Variants in ABCA13 observed in about 807,000 individuals in gnomAD.
ABCA13 encodes ATP binding cassette subfamily A member 13, also known as ATP-binding cassette sub-family A member 13.
Under a neutral mutation model 478.7 loss-of-function variants are expected in ABCA13, and 476 were observed. The ratio of observed to expected loss-of-function variants is 0.99; its 90% CI spans 0.92 to 1.07. The LOEUF (loss-of-function observed/expected upper bound fraction) is 1.07, where lower values mean the gene tolerates loss of function less well. Among genes scored for constraint, ABCA13 ranks in the 50% least tolerant of loss-of-function variants. ABCA13 has a pLI of 0.00. For missense variants in ABCA13, 6,060 were observed against 5,910.6 expected (o/e 1.03, Z -0.83); for synonymous variants, 2,252 against 2,158.9 (o/e 1.04, Z -1.20).
intron 7 of ABCA13, among the ~76,000 whole-genome samples, 181 bp from the exon 8 acceptor site, chr7:48,233,837 C>T (rs532861727): frequency 6.6e-6 from 1 of 152,308 alleles, no homozygotes; most frequent in Admixed American, 6.5e-5. Flanking sequence ...GACACTTCAC[C>T]ATTCTCTCTA....
chr7:48,554,395 A>T (rs1251594878), intron 55 of ABCA13, among the ~76,000 whole-genome samples: 2 of 151,990 alleles, frequency 1.3e-5, no homozygotes. Context: ...ATTGTATTGA[A>T]TCTGTAGATT....
chr7:48,506,370 C>G lies in ABCA13; in HGVS notation c.13326C>G (p.Ala4442=). The change falls in exon 49 of 62, where the codon GCC becomes GCG. Residue 4442 remains alanine (A), a synonymous_variant. Coordinates refer to ENST00000435803, the MANE Select transcript of ABCA13 (RefSeq NM_152701.5). The stretch of plus-strand genomic sequence containing the variant: ...TCTACAGCCACCCATATGGAGGGGC[C>G]TTGCTGAACGAGGACAAGATGTGAG... The part of the protein sequence containing the change: ...ITLYSHPYGG[A]LLNEDKILES... 6.2e-7 allele frequency: 1 copy of G among 1,613,828 alleles called. No homozygotes were observed. The highest frequency in any genetic ancestry group is 1.1e-5 in the South Asian group (1 of 91,070).
intron 11 of ABCA13, 70 bp downstream of exon 11, chr7:48,244,773 C>T: frequency 6.7e-7 from 1 of 1,503,498 alleles, no homozygotes; most frequent in Non-Finnish European, 8.9e-7. Context: ...GGAAAATGGA[C>T]TTGAAACTGC....
intron 17 of ABCA13, 48 bp downstream of exon 17, chr7:48,276,613 C>T: frequency 6.8e-7 from 1 of 1,469,798 alleles, no homozygotes. Flanking sequence ...CGATATATCT[C>T]AAACTACTTT....
chr7:48,611,481 C>T lies in ABCA13; in HGVS notation c.14745-3804C>T, dbSNP rs543739873. ...ATAGAGAAAAGAAGTTTAACAGGCTCACGGTTCCACAGGCTGTACAGGAAG... is the reference window on the plus strand; with the variant it reads ...ATAGAGAAAAGAAGTTTAACAGGCTTACGGTTCCACAGGCTGTACAGGAAG... On this transcript the variant is annotated intron_variant, in intron 58 of 61. Coordinates refer to ENST00000435803, the MANE Select transcript of ABCA13 (RefSeq NM_152701.5). 5.9e-5 allele frequency among the ~76,000 whole-genome samples: 9 copies of T among 152,244 alleles called. No individual in the cohort carries two copies. In the East Asian group the frequency reaches 1.7e-3, roughly 29 times the overall value.
intron 28 of ABCA13, among the ~76,000 whole-genome samples, chr7:48,336,805 G>A (rs1310443029): frequency 2.0e-5 from 3 of 152,204 alleles, no homozygotes; most frequent in African/African-American, 7.2e-5. Context: ...ATTTGTTTGT[G>A]TATGGATTAA....
chr7:48,383,005 T>C (rs778976922), intron 35 of ABCA13, among the ~76,000 whole-genome samples: 8 of 152,116 alleles, frequency 5.3e-5, no homozygotes, highest in Non-Finnish European at 7.4e-5. Flanking sequence ...GCCTCACCTG[T>C]CCTACTCATT....
intron 35 of ABCA13, among the ~76,000 whole-genome samples, chr7:48,377,450 T>A (rs1813678093): frequency 6.6e-6 from 1 of 152,138 alleles, no homozygotes; most frequent in African/African-American, 2.4e-5. Flanking sequence ...TTAAAAAAAA[T>A]GATTCTAATC....
At position 48,279,561 on chromosome 7, in the gene ABCA13, T is replaced by A; in HGVS notation, c.8367T>A (p.Tyr2789Ter). 2.5e-6 allele frequency: 4 copies of A among 1,613,522 alleles called. No homozygotes were observed. The highest frequency in any genetic ancestry group is 3.4e-6 in the Non-Finnish European group (4 of 1,179,688). Residue 2789 changes from tyrosine (Y) to a stop codon, truncating the protein, a stop_gained, in exon 18 of 62, where the codon TAT (tyrosine) becomes TAA (stop). Coordinates refer to ENST00000435803, the MANE Select transcript of ABCA13 (RefSeq NM_152701.5). LOFTEE classifies it high-confidence loss of function. ...CCTCCAGTGGAATTAAAAGTGACTA[T>A]GAAGGTGATTTGAATAAAAGTTTAT... ...LEASSGIKSD[Y>*]EGDLNKSLYF...
chr7:48,244,768 A>G (rs1425893604), intron 11 of ABCA13, 65 bp downstream of exon 11: 1 of 1,516,286 alleles, frequency 6.6e-7, no homozygotes, highest in Non-Finnish European at 8.8e-7. Context: ...TTATTGGAAA[A>G]TGGACTTGAA....
chr7:48,232,139 A>ATTTTTTTTTTTTTTTTTTTTTTTC (rs1789207622), intron 7 of ABCA13, among the ~76,000 whole-genome samples: 1 of 51,318 alleles, frequency 1.9e-5, no homozygotes, highest in Non-Finnish European at 3.6e-5. Context: ...CCCACATGGA[A>ATTTTTTTTTTTTTTTTTTTTTTTC]TTTTTTTTTT....
chr7:48,318,679 C>T (rs1345023618), intron 27 of ABCA13, among the ~76,000 whole-genome samples: 1 of 152,086 alleles, frequency 6.6e-6, no homozygotes, highest in Non-Finnish European at 1.5e-5. Flanking sequence ...ACTCTGGCCT[C>T]ACAGCTGCCA....
intron 58 of ABCA13, among the ~76,000 whole-genome samples, chr7:48,611,569 G>A (rs1004232915): frequency 3.3e-5 from 5 of 152,174 alleles, no homozygotes; most frequent in Admixed American, 6.5e-5. Flanking sequence ...CAGTGGGCAC[G>A]TCTTACATGG....
chr7:48,271,300 G>A (rs1003004915), intron 16 of ABCA13, among the ~76,000 whole-genome samples: 1 of 152,132 alleles, frequency 6.6e-6, no homozygotes, highest in Non-Finnish European at 1.5e-5. Flanking sequence ...ATATAATAAT[G>A]AGTTTCTGAC....
chr7:48,279,050 C>T lies in ABCA13; in HGVS notation c.7856C>T (p.Pro2619Leu). 6.8e-6 allele frequency: 11 copies of T among 1,612,978 alleles called. No homozygotes were observed. The highest frequency in any genetic ancestry group is 9.3e-6 in the Non-Finnish European group (11 of 1,179,734). ...AACTCTGATATTTTCAGTATGTCAC[C>T]TAGCATACTCTCATATATGAACCAA... ...SSNSDIFSMS[P>L]SILSYMNQSK... Residue 2619 changes from proline to leucine, a missense_variant, in exon 18 of 62, where the codon CCT (proline) becomes CTT (leucine). Pro to Leu is a moderately conservative substitution (Grantham distance 98). This residue lies in a region of ABCA13 where 4,423 missense variants were observed against 4,309.1 expected (regional missense o/e 1.03). Transcript: ENST00000435803.
intron 19 of ABCA13, among the ~76,000 whole-genome samples, chr7:48,282,402 C>T (rs1460683669): frequency 6.6e-6 from 1 of 152,216 alleles, no homozygotes; most frequent in East Asian, 1.9e-4. Context: ...CCCAGAGCCC[C>T]CTCAGTGGGC....
At chr7:48,491,793 T>A (rs1829863864) in intron 48 of ABCA13, among the ~76,000 whole-genome samples, 1 of 152,156 alleles carries the variant, frequency 6.6e-6, no homozygotes, top group African/African-American at 2.4e-5. Context: ...GCTTGCTTGT[T>A]CCTGTGGGAA....
intron 43 of ABCA13, among the ~76,000 whole-genome samples, chr7:48,461,965 GA>G (rs1211064800): frequency 1.3e-5 from 2 of 152,112 alleles, no homozygotes; most frequent in African/African-American, 2.4e-5. Context: ...AAACAGATGG[GA>G]AAGTCTTATA....
intron 54 of ABCA13, among the ~76,000 whole-genome samples, chr7:48,525,164 G>A (rs932229452): frequency 2.6e-5 from 4 of 152,120 alleles, no homozygotes; most frequent in Admixed American, 2.0e-4. Flanking sequence ...AAGAGAAGCC[G>A]AGAGATCAAT....
Sources: gnomAD v4.1 joint callset for allele counts (sites outside exome capture counted in the v4.1 genomes callset) on GRCh38, gnomAD v4.1.1 for gene constraint, gnomAD v4.1.1 regional missense constraint, MANE v1.5 for transcripts, NCBI Gene and HGNC (gene_info 2026-07-23, HGNC 2026-07-21) for gene names.